The following DCC variants were observed in gnomAD, a reference collection of about 807,000 sequenced individuals.
The protein encoded by DCC is DCC netrin 1 receptor, also known as netrin receptor DCC.
DCC carries 58 observed loss-of-function variants against 172.5 expected under a neutral mutation model. The ratio of observed to expected loss-of-function variants is 0.34; its 90% CI spans 0.27 to 0.42. The LOEUF (loss-of-function observed/expected upper bound fraction) is 0.42. Among genes scored for constraint, DCC ranks in the 10% least tolerant of loss-of-function variants. The probability of loss-of-function intolerance (pLI) is 1.00; values close to 1 mark genes in which losing one functional copy is unlikely to be tolerated. For missense variants in DCC, 1,740 were observed against 1,791.0 expected (o/e 0.97, Z 0.51); for synonymous variants, 709 against 644.5 (o/e 1.10, Z -1.52).
intron 1 of DCC, among the ~76,000 whole-genome samples, chr18:52,377,248 A>C (rs1337445362): frequency 6.6e-6 from 1 of 152,222 alleles, no homozygotes; most frequent in African/African-American, 2.4e-5. Flanking sequence ...GAGAGGAACC[A>C]GCCTACATTA....
intron 2 of DCC, among the ~76,000 whole-genome samples, chr18:52,769,801 TG>T (rs1435283580): frequency 2.6e-5 from 4 of 152,360 alleles, no homozygotes; most frequent in African/African-American, 9.6e-5. Context: ...TTCTTTTGCA[TG>T]ATGATGTCCA....
At chr18:53,420,134 A>C (rs28658157) in intron 21 of DCC, among the ~76,000 whole-genome samples, 65,637 of 152,034 alleles carry the variant, frequency 0.43, 15,972 homozygotes, top group Non-Finnish European at 0.56. Flanking sequence ...GGATTCCAGG[A>C]GTAAGCCACC....
At chr18:53,055,286 T>C (rs893379621) in intron 5 of DCC, among the ~76,000 whole-genome samples, 8 of 152,150 alleles carry the variant, frequency 5.3e-5, no homozygotes, top group Non-Finnish European at 1.2e-4. Context: ...TTTTCAGTAA[T>C]AATATATTTA....
chr18:52,413,257 G>A (rs539298686), intron 1 of DCC, among the ~76,000 whole-genome samples: 1 of 151,056 alleles, frequency 6.6e-6, no homozygotes, highest in South Asian at 2.1e-4. Context: ...AAACCTCATA[G>A]CTTTTAAGAT....
At chr18:53,095,509 C>T (rs2043073050) in intron 7 of DCC, among the ~76,000 whole-genome samples, 1 of 152,140 alleles carries the variant, frequency 6.6e-6, no homozygotes, top group African/African-American at 2.4e-5. Context: ...ATTTTAAATT[C>T]TAAAGGCTAG....
intron 2 of DCC, among the ~76,000 whole-genome samples, chr18:52,845,449 A>G (rs1014383386): frequency 6.6e-6 from 1 of 152,246 alleles, no homozygotes; most frequent in Non-Finnish European, 1.5e-5. Context: ...AAGCACAGCC[A>G]TGGCCCCCCT....
At chr18:52,394,251 C>T (rs1986134216) in intron 1 of DCC, among the ~76,000 whole-genome samples, 1 of 151,850 alleles carries the variant, frequency 6.6e-6, no homozygotes. Flanking sequence ...CTATTTGCAA[C>T]AGAATTAGGA....
intron 1 of DCC, among the ~76,000 whole-genome samples, chr18:52,583,264 A>G (rs1415051196): frequency 6.6e-6 from 1 of 152,202 alleles, no homozygotes; most frequent in Non-Finnish European, 1.5e-5. Context: ...ATGTGCAATA[A>G]AAACACTGGA....
chr18:52,608,497 C>T lies in DCC; in HGVS notation c.92-143557C>T, dbSNP rs548816438. Among the ~76,000 whole-genome samples, 9 of 152,130 alleles carry T rather than the reference C, an allele frequency of 5.9e-5. No homozygotes were observed. In the South Asian group the frequency reaches 6.2e-4, roughly 11 times the overall value. On this transcript the variant is annotated intron_variant, in intron 1 of 28. Transcript: ENST00000442544. ...AGAAGGAGATTTATCCACTTGGAAACGAGAGGAGGGGACCTCTAGGCAGAG... is the reference window on the plus strand; with the variant it reads ...AGAAGGAGATTTATCCACTTGGAAATGAGAGGAGGGGACCTCTAGGCAGAG...
chr18:53,186,870 C>T (rs1178580759), intron 9 of DCC, among the ~76,000 whole-genome samples: 1 of 152,050 alleles, frequency 6.6e-6, no homozygotes, highest in Non-Finnish European at 1.5e-5. Context: ...GGCTTTGTTG[C>T]TGCATCTTCC....
intron 1 of DCC, among the ~76,000 whole-genome samples, chr18:52,456,411 T>C (rs1988458290): frequency 6.6e-6 from 1 of 152,132 alleles, no homozygotes; most frequent in South Asian, 2.1e-4. Context: ...ATAGTAATGA[T>C]GGAAAGCAGA....
chr18:52,918,298 G>A (rs182954520), intron 3 of DCC, among the ~76,000 whole-genome samples: 15 of 152,124 alleles, frequency 9.9e-5, no homozygotes, highest in Admixed American at 9.8e-4. Context: ...CCCATATAAC[G>A]AGAACACAAA....
chr18:52,951,843 A>T (rs934628529), intron 5 of DCC, among the ~76,000 whole-genome samples: 5 of 152,216 alleles, frequency 3.3e-5, no homozygotes, highest in Non-Finnish European at 7.3e-5. Context: ...TTGTGTTATT[A>T]TTACTAATAG....
intron 5 of DCC, among the ~76,000 whole-genome samples, chr18:53,046,032 A>T (rs2042233330): frequency 1.3e-5 from 2 of 151,860 alleles, no homozygotes; most frequent in African/African-American, 4.8e-5. Context: ...TCACTTATAA[A>T]GCAGTGAAAT....
At chr18:52,916,727 A>T (rs1366061063) in intron 3 of DCC, among the ~76,000 whole-genome samples, 1 of 152,166 alleles carries the variant, frequency 6.6e-6, no homozygotes, top group African/African-American at 2.4e-5. Flanking sequence ...GTGTTCAAGG[A>T]TATCTCTACA....
intron 12 of DCC, among the ~76,000 whole-genome samples, chr18:53,297,444 G>A (rs143077636): frequency 1.1e-4 from 17 of 152,126 alleles, no homozygotes; most frequent in Non-Finnish European, 1.5e-4. Context: ...TCATTGATTC[G>A]GATAGAACAC....
chr18:52,995,791 CAGTA>C (rs964908695), intron 5 of DCC, among the ~76,000 whole-genome samples: 4 of 151,978 alleles, frequency 2.6e-5, no homozygotes, highest in African/African-American at 4.8e-5. Context: ...AGCCTAACTT[CAGTA>C]AGTATCAGTT....
intron 1 of DCC, among the ~76,000 whole-genome samples, chr18:52,630,766 A>T (rs2144879298): frequency 6.6e-6 from 1 of 152,314 alleles, no homozygotes; most frequent in Non-Finnish European, 1.5e-5. Flanking sequence ...AGATGATGAT[A>T]TTGCAAGAGG....
intron 7 of DCC, among the ~76,000 whole-genome samples, chr18:53,073,610 A>G (rs1446628749): frequency 6.6e-5 from 10 of 152,176 alleles, no homozygotes; most frequent in African/African-American, 2.4e-4. Flanking sequence ...TAAAAAAAAT[A>G]GTTTCACTGT....
Sources: gnomAD v4.1 joint callset for allele counts (sites outside exome capture counted in the v4.1 genomes callset) on GRCh38, gnomAD v4.1.1 for gene constraint, MANE v1.5 for transcripts, NCBI Gene and HGNC (gene_info 2026-07-23, HGNC 2026-07-21) for gene names.